The following LRRTM4 variants were observed in gnomAD, a reference collection of about 807,000 sequenced individuals.
The protein encoded by LRRTM4 is leucine rich repeat transmembrane neuronal 4.
LRRTM4 carries 25 observed loss-of-function variants against 47.6 expected under a neutral mutation model. That is an observed-to-expected ratio of 0.53 (90% confidence interval 0.38 to 0.73). The LOEUF (loss-of-function observed/expected upper bound fraction) is 0.73. Ranked by LOEUF, LRRTM4 falls within the 30% of genes least tolerant of loss-of-function variation. LRRTM4 has a pLI of 0.00. For synonymous variants in LRRTM4, 311 were observed against 269.5 expected, an observed-to-expected ratio of 1.15 and a Z score of -1.51; for missense variants, 638 against 713.4, an observed-to-expected ratio of 0.89 and a Z score of 1.20.
intron 3 of LRRTM4, among the ~76,000 whole-genome samples, chr2:76,857,301 GTATATATAATA>G (rs139653194): frequency 1.0e-4 from 15 of 146,110 alleles, no homozygotes; most frequent in African/African-American, 3.3e-4. Context: ...TAAAAACACA[GTATATATAATA>G]TATATATAAT....
chr2:77,207,229 G>GTA (rs10677955), intron 3 of LRRTM4, among the ~76,000 whole-genome samples: 27,147 of 141,298 alleles, frequency 0.19, 5,126 homozygotes, highest in African/African-American at 0.49. Context: ...ACACATATGT[G>GTA]TATATATATA....
At chr2:77,477,392 C>T (rs1216539051) in intron 3 of LRRTM4, among the ~76,000 whole-genome samples, 1 of 152,262 alleles carries the variant, frequency 6.6e-6, no homozygotes. Flanking sequence ...GTAAAGAGCT[C>T]ATTCTTCAGA....
intron 3 of LRRTM4, among the ~76,000 whole-genome samples, chr2:77,213,266 C>A (rs966315985): frequency 6.6e-6 from 1 of 152,002 alleles, no homozygotes; most frequent in African/African-American, 2.4e-5. Flanking sequence ...GGGAACATTG[C>A]CAAGTTGACA....
At chr2:76,807,445 C>CGT (rs1670540664) in intron 3 of LRRTM4, among the ~76,000 whole-genome samples, 1 of 69,308 alleles carries the variant, frequency 1.4e-5, no homozygotes, top group Non-Finnish European at 2.4e-5. Flanking sequence ...TACGTATATA[C>CGT]ATATATATAT....
At chr2:76,971,819 A>G (rs1360350199) in intron 3 of LRRTM4, among the ~76,000 whole-genome samples, 1 of 152,062 alleles carries the variant, frequency 6.6e-6, no homozygotes. Context: ...CCCACCCTAT[A>G]TCAGGCCCAC....
At chr2:77,175,447 T>A (rs978874409) in intron 3 of LRRTM4, among the ~76,000 whole-genome samples, 1 of 152,104 alleles carries the variant, frequency 6.6e-6, no homozygotes, top group Non-Finnish European at 1.5e-5. Flanking sequence ...CCAGGGCTCG[T>A]GGCTCTGGAA....
chr2:76,906,582 C>G (rs1333545439), intron 3 of LRRTM4, among the ~76,000 whole-genome samples: 2 of 152,114 alleles, frequency 1.3e-5, no homozygotes, highest in Non-Finnish European at 1.5e-5. Flanking sequence ...ACCCATCAGT[C>G]TGTTGTATTC....
At chr2:77,023,819 C>T (rs1445778873) in intron 3 of LRRTM4, among the ~76,000 whole-genome samples, 2 of 152,194 alleles carry the variant, frequency 1.3e-5, no homozygotes, top group Non-Finnish European at 2.9e-5. Context: ...ACTGTTCCAA[C>T]CTCTGCCTGT....
At chr2:77,344,179 CA>C (rs2104282487) in intron 3 of LRRTM4, among the ~76,000 whole-genome samples, 1 of 151,570 alleles carries the variant, frequency 6.6e-6, no homozygotes, top group Admixed American at 6.6e-5. Flanking sequence ...AGAAACAAGT[CA>C]AAAGAACATG....
intron 3 of LRRTM4, among the ~76,000 whole-genome samples, chr2:76,994,064 C>G (rs747713769): frequency 6.6e-6 from 1 of 151,784 alleles, no homozygotes; most frequent in Admixed American, 6.6e-5. Context: ...ATTGGGTACT[C>G]GTGGACATAC....
At chr2:77,220,494 G>A (rs572342678) in intron 3 of LRRTM4, among the ~76,000 whole-genome samples, 1 of 152,266 alleles carries the variant, frequency 6.6e-6, no homozygotes, top group Admixed American at 6.5e-5. Flanking sequence ...AATAACCAAT[G>A]CAGAGAAGTC....
At chr2:77,288,853 C>G (rs1197975148) in intron 3 of LRRTM4, among the ~76,000 whole-genome samples, 1 of 152,028 alleles carries the variant, frequency 6.6e-6, no homozygotes, top group Non-Finnish European at 1.5e-5. Context: ...AGTATCTCAG[C>G]AGAAGCCAAT....
At chr2:77,203,359 T>C (rs1674031521) in intron 3 of LRRTM4, among the ~76,000 whole-genome samples, 2 of 151,952 alleles carry the variant, frequency 1.3e-5, no homozygotes, top group Non-Finnish European at 2.9e-5. Flanking sequence ...TGGTAATTAA[T>C]GAAAGAAAAG....
intron 3 of LRRTM4, among the ~76,000 whole-genome samples, chr2:77,207,574 A>G (rs1180246597): frequency 6.6e-6 from 1 of 151,496 alleles, no homozygotes; most frequent in Non-Finnish European, 1.5e-5. Flanking sequence ...GCATTTGGCC[A>G]TTTGTTATAA....
intron 3 of LRRTM4, among the ~76,000 whole-genome samples, chr2:76,902,465 G>A (rs924197924): frequency 3.9e-5 from 6 of 152,160 alleles, no homozygotes; most frequent in South Asian, 2.1e-4. Flanking sequence ...ACCTTACCAT[G>A]ACCAGAGATT....
At chr2:77,036,067 G>T (rs893860694) in intron 3 of LRRTM4, among the ~76,000 whole-genome samples, 4 of 151,704 alleles carry the variant, frequency 2.6e-5, no homozygotes, top group Admixed American at 6.6e-5. Flanking sequence ...AAAAGCTAAA[G>T]AATACAAATT....
At chr2:77,042,315 T>C (rs1679061095) in intron 3 of LRRTM4, among the ~76,000 whole-genome samples, 1 of 151,676 alleles carries the variant, frequency 6.6e-6, no homozygotes, top group South Asian at 2.1e-4. Context: ...AGCAGTATGA[T>C]AAAATATTAA....
At chr2:77,417,501 A>C (rs958778887) in intron 3 of LRRTM4, among the ~76,000 whole-genome samples, 4 of 152,210 alleles carry the variant, frequency 2.6e-5, no homozygotes, top group Non-Finnish European at 4.4e-5. Context: ...CCAAATGTCC[A>C]ACAATGATCG....
intron 3 of LRRTM4, among the ~76,000 whole-genome samples, chr2:77,253,597 A>T (rs999041190): frequency 6.6e-6 from 1 of 152,166 alleles, no homozygotes; most frequent in African/African-American, 2.4e-5. Context: ...GGAAATGACA[A>T]CTAACAGATG....
Sources: allele counts gnomAD v4.1 joint callset (sites outside exome capture counted in the v4.1 genomes callset), GRCh38; gene constraint gnomAD v4.1.1; transcripts MANE v1.5; gene names NCBI Gene and HGNC (gene_info 2026-07-23, HGNC 2026-07-21).